The following CRPPA variants were observed in gnomAD, a reference collection of about 807,000 sequenced individuals.
CRPPA encodes CDP-L-ribitol pyrophosphorylase A.
In CRPPA, 43 loss-of-function variants were observed where a neutral mutation model predicts 52.0. That is an observed-to-expected ratio of 0.83 (90% CI 0.65 to 1.07). CRPPA has a LOEUF of 1.07. Among genes scored for constraint, CRPPA ranks in the 50% least tolerant of loss-of-function variants. The pLI, the probability that CRPPA is intolerant of heterozygous loss-of-function variation, is 0.00. For missense variants in CRPPA, 629 were observed against 551.7 expected (o/e 1.14, Z -1.40); for synonymous variants, 250 against 203.5 (o/e 1.23, Z -1.94).
intron 9 of CRPPA, among the ~76,000 whole-genome samples, chr7:16,117,809 T>C (rs1474078345): frequency 2.0e-5 from 3 of 152,216 alleles, no homozygotes; most frequent in African/African-American, 7.2e-5. Context: ...CTCAGGTTAC[T>C]ATTGCCCATA....
intron 3 of CRPPA, among the ~76,000 whole-genome samples, chr7:16,369,728 TG>T (rs1786699406): frequency 1.3e-5 from 2 of 152,162 alleles, no homozygotes; most frequent in Non-Finnish European, 2.9e-5. Context: ...CTAGCTCACT[TG>T]GAAGGACAGA....
intron 2 of CRPPA, among the ~76,000 whole-genome samples, chr7:16,403,016 T>C (rs1431454963): frequency 6.6e-6 from 1 of 152,130 alleles, no homozygotes; most frequent in Non-Finnish European, 1.5e-5. Flanking sequence ...ATAAATTATC[T>C]AAGCATTCAG....
At chr7:16,398,348 T>C (rs575558697) in intron 2 of CRPPA, among the ~76,000 whole-genome samples, 21 of 150,964 alleles carry the variant, frequency 1.4e-4, no homozygotes, top group African/African-American at 5.1e-4. Context: ...TCAACACGTG[T>C]GACATGTGAC....
rs1408279334 is a variant in CRPPA at position 16,089,503 on chromosome 7, A to G, written c.*2192T>C. The G allele has an allele frequency of 4.6e-5, 12 of 258,202 alleles. No homozygotes were observed. The highest frequency in any genetic ancestry group is 2.6e-4 in the African/African-American group (9 of 35,180). The allele number at this position is 258,202 out of a possible 1,614,324, so 16.0% of individuals were successfully genotyped here. ...TATATACGGGTATATATGTACGTAC[A>G]TACATAGATATGGGTATATATGTAC... On this transcript the variant is annotated 3_prime_UTR_variant, in exon 10 of 10. Transcript: ENST00000407010.
intron 9 of CRPPA, among the ~76,000 whole-genome samples, chr7:16,164,299 T>C (rs1780994992): frequency 2.0e-5 from 3 of 152,236 alleles, no homozygotes; most frequent in Non-Finnish European, 4.4e-5. Flanking sequence ...CTTGATCCAT[T>C]TGGCTAAAGA....
intron 3 of CRPPA, among the ~76,000 whole-genome samples, chr7:16,373,168 C>A (rs1244341070): frequency 1.3e-5 from 2 of 152,034 alleles, no homozygotes; most frequent in Non-Finnish European, 2.9e-5. Context: ...TGGTGGCGGG[C>A]ACCTGTAATC....
In CRPPA at chr7:16,421,514, C is replaced by T. The variant is rs1788339873; in HGVS notation, c.-192G>A. On this transcript the variant is annotated 5_prime_UTR_variant, in exon 1 of 10. Coordinates refer to ENST00000407010, the MANE Select transcript of CRPPA (RefSeq NM_001101426.4). ...CCGCAGGGGACGATCCCGACAGCTA[C>T]GGCAGCAGCTGAGGCTGCCGATCTG... Among the ~76,000 whole-genome samples the T allele has an allele frequency of 6.6e-6, 1 of 152,184 alleles. No homozygotes were observed. Among genetic ancestry groups the T allele is most frequent in the African/African-American group, 2.4e-5 (1 of 41,468 alleles).
intron 2 of CRPPA, among the ~76,000 whole-genome samples, chr7:16,378,555 G>C (rs1021797124): frequency 3.9e-5 from 6 of 151,946 alleles, no homozygotes; most frequent in Non-Finnish European, 7.4e-5. Flanking sequence ...ATTGTGAATA[G>C]TGCCACAATA....
intron 4 of CRPPA, among the ~76,000 whole-genome samples, chr7:16,302,238 G>A (rs1024115379): frequency 2.3e-4 from 34 of 144,962 alleles, no homozygotes; most frequent in South Asian, 4.4e-4. Context: ...GGAGCTTGCA[G>A]TGTGCCGAGA....
intron 3 of CRPPA, 75 bp downstream of exon 3, chr7:16,376,017 G>A: frequency 7.0e-7 from 1 of 1,429,992 alleles, no homozygotes; most frequent in Non-Finnish European, 9.5e-7. Context: ...ATCAGTTCTG[G>A]AAATTCTCCA....
intron 9 of CRPPA, among the ~76,000 whole-genome samples, chr7:16,186,223 T>C (rs1781502201): frequency 6.6e-6 from 1 of 152,208 alleles, no homozygotes; most frequent in South Asian, 2.1e-4. Context: ...GAAACCCTAA[T>C]CCCAATGTAT....
At position 16,397,819 on chromosome 7, in the gene CRPPA, T is replaced by C. The variant is rs571406726; in HGVS notation, c.534+8242A>G. Among the ~76,000 whole-genome samples, 4 of 152,222 alleles carry C rather than the reference T, an allele frequency of 2.6e-5. No homozygotes were observed. In the South Asian group the frequency reaches 8.3e-4, roughly 32 times the overall value. ...GATTGGCACGTGTTTAACATGTGAC[T>C]GACGTGATCCACAAAGGATCAACAC... On this transcript the variant is annotated intron_variant, in intron 2 of 9. Transcript: ENST00000407010.
intron 8 of CRPPA, among the ~76,000 whole-genome samples, chr7:16,243,810 TA>T (rs1216060497): frequency 6.6e-6 from 1 of 151,846 alleles, no homozygotes; most frequent in Non-Finnish European, 1.5e-5. Context: ...TACCAAAAAT[TA>T]AAAAAATTAG....
intron 9 of CRPPA, among the ~76,000 whole-genome samples, chr7:16,175,486 A>T (rs1384716016): frequency 6.6e-6 from 1 of 152,112 alleles, no homozygotes; most frequent in Admixed American, 6.5e-5. Context: ...CTAATGAAAA[A>T]GTTAAAAATG....
At chr7:16,400,364 A>G (rs932225008) in intron 2 of CRPPA, among the ~76,000 whole-genome samples, 1 of 152,252 alleles carries the variant, frequency 6.6e-6, no homozygotes, top group African/African-American at 2.4e-5. Context: ...ACACATGACC[A>G]ACACGTTTGT....
rs541517871 is a variant in CRPPA at position 16,091,392 on chromosome 7, C to T, written c.*303G>A. On this transcript the variant is annotated 3_prime_UTR_variant, in exon 10 of 10. Transcript: ENST00000407010. ...CATTCCTTGAAAGAATAGCTCACCC[C>T]ATCATTATTTCTATTTGACCGTTCA... 1.3e-5 allele frequency: 3 copies of T among 223,706 alleles called. No homozygotes were observed. Among genetic ancestry groups the T allele is most frequent in the African/African-American group, 7.0e-5 (3 of 42,640 alleles). 13.9% of individuals were successfully genotyped at this position (223,706 alleles called of 1,614,324 possible). A position where few individuals can be genotyped will look rare whatever the true frequency, so the allele number is the denominator to read the frequency against.
intron 1 of CRPPA, among the ~76,000 whole-genome samples, chr7:16,408,783 G>A (rs1320850448): frequency 3.3e-5 from 5 of 152,178 alleles, no homozygotes; most frequent in Non-Finnish European, 7.3e-5. Context: ...TGGATCCAAC[G>A]TAATCACAAG....
intron 9 of CRPPA, among the ~76,000 whole-genome samples, chr7:16,105,564 A>C (rs756524555): frequency 3.3e-5 from 5 of 152,160 alleles, no homozygotes; most frequent in Non-Finnish European, 5.9e-5. Flanking sequence ...CAAAGGAGGC[A>C]GAGGTCCTAG....
chr7:16,159,040 G>C (rs1319504262), intron 9 of CRPPA, among the ~76,000 whole-genome samples: 1 of 152,168 alleles, frequency 6.6e-6, no homozygotes, highest in African/African-American at 2.4e-5. Flanking sequence ...TTGCCTAAGA[G>C]GATATCCGTG....
Sources: allele counts gnomAD v4.1 joint callset (sites outside exome capture counted in the v4.1 genomes callset), GRCh38; gene constraint gnomAD v4.1.1; transcripts MANE v1.5; gene names NCBI Gene and HGNC (gene_info 2026-07-23, HGNC 2026-07-21).